Variants in RBFOX1 observed in about 807,000 individuals in gnomAD.
RBFOX1 encodes RNA binding protein fox-1 homolog 1.
RBFOX1 carries 8 observed loss-of-function variants against 57.7 expected under a neutral mutation model. The observed-to-expected ratio is 0.14, with a 90% CI of 0.08 to 0.25. RBFOX1 has a LOEUF of 0.25. Among genes scored for constraint, RBFOX1 ranks in the 10% least tolerant of loss-of-function variants. The pLI is 1.00. For synonymous variants in RBFOX1, 326 were observed against 222.4 expected, an observed-to-expected ratio of 1.47 and a Z score of -4.15; for missense variants, 611 against 548.5, an observed-to-expected ratio of 1.11 and a Z score of -1.14.
chr16:7,030,198 A>G (rs1006559265), intron 3 of RBFOX1, among the ~76,000 whole-genome samples: 3 of 152,086 alleles, frequency 2.0e-5, no homozygotes, highest in African/African-American at 7.2e-5. Flanking sequence ...TTTTTTCTAA[A>G]TGGTTGGATC....
At chr16:6,780,163 A>G (rs866923756) in intron 3 of RBFOX1, among the ~76,000 whole-genome samples, 1 of 34,346 alleles carries the variant, frequency 2.9e-5, no homozygotes, top group Non-Finnish European at 4.0e-5. Flanking sequence ...ATATATATTT[A>G]TATATTTTTA....
chr16:7,624,992 G>C (rs1360856434), intron 10 of RBFOX1, among the ~76,000 whole-genome samples: 1 of 152,160 alleles, frequency 6.6e-6, no homozygotes, highest in Admixed American at 6.5e-5. Context: ...ACCGGAGAGT[G>C]GGGCCTGGAA....
At chr16:6,730,881 G>A (rs1428645102) in intron 3 of RBFOX1, among the ~76,000 whole-genome samples, 1 of 152,134 alleles carries the variant, frequency 6.6e-6, no homozygotes, top group Non-Finnish European at 1.5e-5. Context: ...CTGCTTCCTT[G>A]AATTAGAATT....
At chr16:5,571,933 C>T (rs1442272265) in intron 2 of RBFOX1, among the ~76,000 whole-genome samples, 1 of 152,220 alleles carries the variant, frequency 6.6e-6, no homozygotes, top group African/African-American at 2.4e-5. Flanking sequence ...CTGTGCCCGG[C>T]CCATCTTTGT....
rs151332613 is a variant in RBFOX1, at chr16:5,787,843, A to G, written c.319-79460A>G. On this transcript the variant is annotated intron_variant, in intron 3 of 19. Coordinates refer to the RBFOX1 transcript ENST00000641259. The stretch of plus-strand genomic sequence containing the variant: ...CAAGAGGTAGCAAACAAAGTTGGAA[A>G]GGAAGAATGCATTGCAATTGCAGTG... Among the ~76,000 whole-genome samples the G allele has an allele frequency of 3.6e-3, 553 of 152,342 alleles. 4 individuals carry two copies. Among genetic ancestry groups the G allele is most frequent in the African/African-American group, 0.013 (535 of 41,572 alleles).
chr16:6,102,987 C>A (rs1256479082), intron 1 of RBFOX1, among the ~76,000 whole-genome samples: 1 of 152,106 alleles, frequency 6.6e-6, no homozygotes, highest in Admixed American at 6.6e-5. Flanking sequence ...TTGGTTCAGT[C>A]TTGCAAGACT....
chr16:7,169,797 C>A lies in RBFOX1; in HGVS notation c.27+117699C>A, dbSNP rs149474044. Among the ~76,000 whole-genome samples the A allele has an allele frequency of 2.1e-5, 3 of 144,060 alleles. No individual in the cohort carries two copies. The South Asian group carries it at 7.1e-4, about 34-fold the overall frequency. The allele number at this position is 144,060 out of a possible 152,430, so 94.5% of individuals were successfully genotyped here. A position where few individuals can be genotyped will look rare whatever the true frequency, so the allele number is the denominator to read the frequency against. ...TTTAAAAATGTATAATTGCAGGGTG[C>A]AGTGGCTCATGCCTGTAATCCCTGC... On this transcript the variant is annotated intron_variant, in intron 4 of 15. Coordinates refer to ENST00000550418, the MANE Select transcript of RBFOX1 (RefSeq NM_018723.4).
intron 3 of RBFOX1, among the ~76,000 whole-genome samples, chr16:5,674,609 A>T (rs913818051): frequency 6.6e-6 from 1 of 152,256 alleles, no homozygotes; most frequent in Non-Finnish European, 1.5e-5. Flanking sequence ...CATAGAACAT[A>T]GTATTGGGTT....
At chr16:6,947,695 C>T (rs1468140065) in intron 3 of RBFOX1, among the ~76,000 whole-genome samples, 2 of 152,184 alleles carry the variant, frequency 1.3e-5, no homozygotes, top group East Asian at 1.9e-4. Context: ...CTTCTCTGAG[C>T]CTCAGTTTGC....
intron 2 of RBFOX1, among the ~76,000 whole-genome samples, chr16:6,448,623 T>C (rs1447232314): frequency 1.3e-5 from 2 of 152,114 alleles, no homozygotes; most frequent in East Asian, 1.9e-4. Flanking sequence ...TGTTTCTTTT[T>C]CCCCCTAAAT....
chr16:6,193,601 A>G (rs1318087508), intron 1 of RBFOX1, among the ~76,000 whole-genome samples: 1 of 151,416 alleles, frequency 6.6e-6, no homozygotes, highest in Non-Finnish European at 1.5e-5. Context: ...TAAAGAATAA[A>G]CACAATAAAA....
At chr16:6,567,550 T>G (rs915164110) in intron 2 of RBFOX1, among the ~76,000 whole-genome samples, 4 of 152,156 alleles carry the variant, frequency 2.6e-5, no homozygotes, top group Non-Finnish European at 5.9e-5. Context: ...TTATTACTAT[T>G]TCATTGTGTT....
chr16:5,742,802 A>T (rs2052823463), intron 3 of RBFOX1, among the ~76,000 whole-genome samples: 1 of 152,186 alleles, frequency 6.6e-6, no homozygotes, highest in Admixed American at 6.5e-5. Context: ...CAGAAATGGG[A>T]CTAAAGGTAA....
At chr16:6,967,016 G>C (rs1005524367) in intron 3 of RBFOX1, among the ~76,000 whole-genome samples, 24 of 151,816 alleles carry the variant, frequency 1.6e-4, no homozygotes, top group African/African-American at 5.8e-4. Context: ...ATTTCTGTAT[G>C]TACCTATCTA....
chr16:6,412,612 C>T (rs2093494850), intron 2 of RBFOX1, among the ~76,000 whole-genome samples: 1 of 152,226 alleles, frequency 6.6e-6, no homozygotes, highest in South Asian at 2.1e-4. Context: ...ATTGAGGCAG[C>T]ATGCACCTGC....
At chr16:5,273,029 G>C (rs1458859687) in intron 1 of RBFOX1, among the ~76,000 whole-genome samples, 1 of 152,120 alleles carries the variant, frequency 6.6e-6, no homozygotes, top group Non-Finnish European at 1.5e-5. Context: ...GTCCTTTGCT[G>C]GTGGCAGTGG....
chr16:6,901,614 C>T (rs2068516318), intron 3 of RBFOX1, among the ~76,000 whole-genome samples: 1 of 152,170 alleles, frequency 6.6e-6, no homozygotes, highest in Non-Finnish European at 1.5e-5. Flanking sequence ...GAAAAATAGA[C>T]ATTTTTGCAA....
intron 10 of RBFOX1, among the ~76,000 whole-genome samples, chr16:7,607,829 T>C (rs1254613574): frequency 1.2e-4 from 18 of 152,250 alleles, no homozygotes; most frequent in Admixed American, 1.2e-3. Flanking sequence ...GTTGTCCGTC[T>C]TCGTTCATTA....
chr16:6,217,643 C>T (rs979977037), intron 1 of RBFOX1, among the ~76,000 whole-genome samples: 5 of 152,200 alleles, frequency 3.3e-5, no homozygotes, highest in African/African-American at 1.2e-4. Context: ...GAGTAACCTG[C>T]TTGTCTCTTG....
Sources: allele counts gnomAD v4.1 joint callset (sites outside exome capture counted in the v4.1 genomes callset), GRCh38; gene constraint gnomAD v4.1.1; transcripts MANE v1.5; gene names NCBI Gene and HGNC (gene_info 2026-07-23, HGNC 2026-07-21).